Variants in SMC4 observed in about 807,000 individuals in gnomAD.
The protein encoded by SMC4 is structural maintenance of chromosomes protein 4.
In SMC4, 87 loss-of-function variants were observed where a neutral mutation model predicts 145.6. That is an observed-to-expected ratio of 0.60 (90% CI 0.50 to 0.71). The LOEUF (loss-of-function observed/expected upper bound fraction) is 0.71, where lower values mean the gene tolerates loss of function less well. Among genes scored for constraint, SMC4 ranks in the 30% least tolerant of loss-of-function variants. The probability of loss-of-function intolerance (pLI) is 0.00; values close to 1 mark genes in which losing one functional copy is unlikely to be tolerated. For synonymous variants in SMC4, 558 were observed against 500.7 expected (o/e 1.11, Z -1.53); for missense variants, 1,447 against 1,537.1 (o/e 0.94, Z 0.98).
At chr3:160,429,435 C>G (rs1046831346) in intron 18 of SMC4, among the ~76,000 whole-genome samples, 1 of 152,102 alleles carries the variant, frequency 6.6e-6, no homozygotes, top group Admixed American at 6.5e-5. Context: ...CCTCAATCTC[C>G]CAGGCTCAGG....
At chr3:160,409,455 T>C (rs1715744164) in intron 5 of SMC4, among the ~76,000 whole-genome samples, 1 of 152,112 alleles carries the variant, frequency 6.6e-6, no homozygotes, top group Admixed American at 6.6e-5. Flanking sequence ...ACCATTGTTA[T>C]TTACCCAAAG....
rs368211857 is a variant in SMC4, at chr3:160,421,700, C to T, written c.2019+799C>T. Among the ~76,000 whole-genome samples the T allele has an allele frequency of 7.9e-5, 12 of 152,218 alleles. 1 individual carries two copies. In the East Asian group the frequency reaches 1.9e-3, roughly 25 times the overall value. ...TGGAGGTTGCAGTGAACCTAGATTG[C>T]GCCACTGCACTCCAGTCTGGGTGAC... On this transcript the variant is annotated intron_variant, in intron 13 of 23. Coordinates refer to ENST00000357388, the MANE Select transcript of SMC4 (RefSeq NM_001002800.3).
chr3:160,400,892 C>A lies in SMC4; in HGVS notation c.66C>A (p.Ser22=). ...RRREEGPPPP[S]PDGASSDAEP... ...GAGAGGAAGGGCCGCCGCCGCCGTC[C>A]CCTGACGGCGCCAGCAGCGACGCGG... Residue 22 remains serine (S), a synonymous_variant, in exon 2 of 24, where the codon TCC becomes TCA. Coordinates refer to ENST00000357388, the MANE Select transcript of SMC4 (RefSeq NM_001002800.3). The A allele has an allele frequency of 6.6e-7, 1 of 1,508,560 alleles. No individual in the cohort carries two copies. The highest frequency in any genetic ancestry group is 2.8e-5 in the East Asian group (1 of 35,200). The allele number at this position is 1,508,560 out of a possible 1,614,324, so 93.4% of individuals were successfully genotyped here.
chr3:160,404,156 C>T (rs1307604758), intron 4 of SMC4, 172 bp from the exon 5 acceptor site: 1 of 570,832 alleles, frequency 1.8e-6, no homozygotes. Flanking sequence ...GGAAAAGTAT[C>T]AATTCTTTGC....
rs372582464 is a variant in SMC4 at position 160,417,902 on chromosome 3, T to C, written c.1617T>C (p.Ala539=). 2.8e-4 allele frequency: 456 copies of C among 1,613,124 alleles called. No individual in the cohort carries two copies. The highest frequency in any genetic ancestry group is 3.3e-4 in the Non-Finnish European group (386 of 1,179,656). ...CTGAGACTCTCAAAGAAAGGAAAGC[T>C]GCAATCAGAGATATAGAAGGAAAAC... The part of the protein sequence containing the change: ...AASETLKERK[A]AIRDIEGKLP... Residue 539 remains alanine (A), a synonymous_variant, in exon 11 of 24, where the codon GCT becomes GCC. Transcript: ENST00000357388.
chr3:160,402,201 C>T (rs1714764038), intron 3 of SMC4, 108 bp downstream of exon 3: 2 of 607,580 alleles, frequency 3.3e-6, no homozygotes, highest in Non-Finnish European at 5.4e-6. Flanking sequence ...TTCATTCACT[C>T]CCTATTTATC....
chr3:160,425,436 T>C (rs965863435), intron 16 of SMC4, among the ~76,000 whole-genome samples: 1 of 152,222 alleles, frequency 6.6e-6, no homozygotes, highest in Non-Finnish European at 1.5e-5. Context: ...ATACCTAGTT[T>C]GCATGTAATG....
chr3:160,431,042 C>G lies in SMC4; in HGVS notation c.2951C>G (p.Pro984Arg), dbSNP rs750861369. 19 of 1,598,220 alleles carry G rather than the reference C, an allele frequency of 1.2e-5. No individual in the cohort carries two copies. The highest frequency in any genetic ancestry group is 1.7e-6 in the Non-Finnish European group (2 of 1,175,734). ...CTTTTCGGTGTTTAGGAATCCTTAC[C>G]AGAGATCCAGAAAGAACATCGCAAT... ...KNTNAAEESL[P>R]EIQKEHRNLL... The change falls in exon 20 of 24, where the codon CCA becomes CGA. Residue 984 changes from proline to arginine, a missense_variant. Coordinates refer to ENST00000357388, the MANE Select transcript of SMC4 (RefSeq NM_001002800.3).
chr3:160,423,686 TC>T (rs773862045), intron 14 of SMC4, 36 bp downstream of exon 14: 6 of 1,593,344 alleles, frequency 3.8e-6, no homozygotes, highest in Admixed American at 3.5e-5. Context: ...TGTTTTTTTT[TC>T]CCCCCACAGC....
chr3:160,434,197 G>T lies in SMC4; in HGVS notation c.*388G>T. ...ACTAATCTTGGATAGATTCTTTAAG[G>T]CATTCCACTTAGCTTGCCAGTTGAG... is the stretch of plus-strand genomic sequence containing the variant. On this transcript the variant is annotated 3_prime_UTR_variant, in exon 24 of 24. Transcript: ENST00000357388. The T allele has an allele frequency of 6.3e-6, 1 of 159,022 alleles. No homozygotes were observed. Among genetic ancestry groups the T allele is most frequent in the Non-Finnish European group, 1.4e-5 (1 of 72,888 alleles). The allele number at this position is 159,022 out of a possible 1,614,324, so 9.9% of individuals were successfully genotyped here.
chr3:160,428,894 G>A lies in SMC4; in HGVS notation c.2747G>A (p.Cys916Tyr). The change falls in exon 18 of 24, where the codon TGT becomes TAT. Residue 916 changes from cysteine (C) to tyrosine (Y), a missense_variant. Transcript: ENST00000357388. Reference protein sequence around the residue: ...LDKINKQLDECASAITKAQVA... With the variant: ...LDKINKQLDEYASAITKAQVA... ...AAAATAAATAAGCAATTAGATGAAT[G>A]TGCTTCTGCTATTACTAAAGCCCAA... The A allele has an allele frequency of 6.2e-7, 1 of 1,602,064 alleles. No homozygotes were observed. The highest frequency in any genetic ancestry group is 8.5e-7 in the Non-Finnish European group (1 of 1,177,452).
At position 160,426,219 on chromosome 3, in the gene SMC4, C is replaced by CT; in HGVS notation, c.2605+25dup. On this transcript the variant is annotated intron_variant, in intron 17 of 23. Transcript: ENST00000357388. Reference sequence around the variant, plus strand: ...AAAACAGGTATGTTTAGAGATAGACCTTTTTTGGGGGGAAAAAAAAAACAG... The same window carrying CT: ...AAAACAGGTATGTTTAGAGATAGACCTTTTTTTGGGGGGAAAAAAAAAACAG... The CT allele has an allele frequency of 7.1e-6, 11 of 1,560,092 alleles. No homozygotes were observed. Among genetic ancestry groups the CT allele is most frequent in the South Asian group, 2.4e-5 (2 of 82,868 alleles).
intron 2 of SMC4, 48 bp downstream of exon 2, chr3:160,401,013 C>A: frequency 7.3e-7 from 1 of 1,362,312 alleles, no homozygotes; most frequent in Non-Finnish European, 9.4e-7. Context: ...GTGGGACTGG[C>A]AGGCAAACGC....
At chr3:160,401,883 G>GCCTTCGTTTT (rs759629553) in intron 2 of SMC4, 32 bp from the exon 3 acceptor site, 5 of 1,539,122 alleles carry the variant, frequency 3.2e-6, no homozygotes, top group Middle Eastern at 2.0e-4. Flanking sequence ...CCCGCCGTTT[G>GCCTTCGTTTT]CCTTCGTTTT....
In SMC4 at chr3:160,430,686, G is replaced by T. The variant is rs1490326304; in HGVS notation, c.2883G>T (p.Glu961Asp). ...TEKEVDDLTAELKSLEDKAAE... is the reference protein window; with the variant it reads ...TEKEVDDLTADLKSLEDKAAE... ...AAGAGGTGGATGACCTAACAGCAGA[G>T]CTGAAAAGTCTTGAGGACAAAGCAG... is the stretch of plus-strand genomic sequence containing the variant. The change falls in exon 19 of 24, where the codon GAG becomes GAT. Residue 961 changes from glutamate (E) to aspartate (D), a missense_variant. By Grantham distance (45) the Glu-to-Asp change is conservative. Coordinates refer to ENST00000357388, the MANE Select transcript of SMC4 (RefSeq NM_001002800.3). 1 of 1,613,840 alleles carries T rather than the reference G, an allele frequency of 6.2e-7. No homozygotes were observed. Among genetic ancestry groups the T allele is most frequent in the East Asian group, 2.2e-5 (1 of 44,830 alleles).
chr3:160,431,339 T>A (rs66850724), intron 20 of SMC4, 134 bp downstream of exon 20: 35,202 of 734,878 alleles, frequency 0.048, 1,108 homozygotes, highest in Middle Eastern at 0.08. Flanking sequence ...AATTCTGTGA[T>A]CACTTCTAAG....
chr3:160,400,521 AC>A (rs1321279094), intron 1 of SMC4: 1 of 319,052 alleles, frequency 3.1e-6, no homozygotes, highest in African/African-American at 2.2e-5. Context: ...ATACGCTTAT[AC>A]TATGGGCGGA....
At chr3:160,433,609 A>AT in intron 23 of SMC4, 48 bp from the exon 24 acceptor site, 1 of 1,183,586 alleles carries the variant, frequency 8.4e-7, no homozygotes, top group Admixed American at 2.5e-5. Flanking sequence ...TGTTTGTGTG[A>AT]TTTACCTGTT....
At chr3:160,419,194 C>T (rs1716905164) in intron 11 of SMC4, among the ~76,000 whole-genome samples, 164 bp from the exon 12 acceptor site, 1 of 152,202 alleles carries the variant, frequency 6.6e-6, no homozygotes, top group Non-Finnish European at 1.5e-5. Flanking sequence ...ATATTTTCCA[C>T]AACCAAACCA....
Sources: gnomAD v4.1 joint callset for allele counts (sites outside exome capture counted in the v4.1 genomes callset) on GRCh38, gnomAD v4.1.1 for gene constraint, MANE v1.5 for transcripts, NCBI Gene and HGNC (gene_info 2026-07-23, HGNC 2026-07-21) for gene names.